Variants in SCN1A observed in about 807,000 individuals in gnomAD.
The protein encoded by SCN1A is sodium channel protein type 1 subunit alpha.
A neutral mutation model predicts 193.7 loss-of-function variants in SCN1A; 13 were observed. That is an observed-to-expected ratio of 0.07 (90% CI 0.04 to 0.11). The LOEUF is 0.11. SCN1A is among the 10% of genes least tolerant of loss of function. The pLI is 1.00. For synonymous variants in SCN1A, 781 were observed against 843.6 expected, an observed-to-expected ratio of 0.93 and a Z score of 1.29; for missense variants, 1,432 against 2,451.1, an observed-to-expected ratio of 0.58 and a Z score of 8.78.
chr2:166,025,344 G>A (rs2105716714), intron 19 of SCN1A, among the ~76,000 whole-genome samples: 1 of 152,280 alleles, frequency 6.6e-6, no homozygotes, highest in South Asian at 2.1e-4. Flanking sequence ...ACCACTCTCA[G>A]CAACTAGAGG....
intron 2 of SCN1A, among the ~76,000 whole-genome samples, chr2:166,124,455 G>C (rs951492309): frequency 3.3e-5 from 5 of 152,050 alleles, no homozygotes; most frequent in Non-Finnish European, 7.3e-5. Flanking sequence ...GCTGAGGCAG[G>C]AGAATCACTT....
In SCN1A at chr2:166,045,129, C is replaced by T. The variant is rs1553545537; in HGVS notation, c.1576G>A (p.Glu526Lys). 6.2e-7 allele frequency: 1 copy of T among 1,614,188 alleles called. No homozygotes were observed. Among genetic ancestry groups the T allele is most frequent in the Non-Finnish European group, 8.5e-7 (1 of 1,180,024 alleles). ...DEDEFQKSES[E>K]DSIRRKGFRF... ...AAACCTTTCCTCCTGATGCTGTCCT[C>T]AGATTCAGATTTTTGGAATTCATCC... The change falls in exon 13 of 29, where the codon GAG (glutamate) becomes AAG (lysine). Residue 526 changes from glutamate (E) to lysine (K), a missense_variant. Around this residue, in one of 18 missense-constraint regions of SCN1A, gnomAD observed 316 missense variants for 362.1 expected, o/e 0.87. Coordinates refer to ENST00000674923, the MANE Select transcript of SCN1A (RefSeq NM_001165963.4).
Position 166,048,870 on chromosome 2 carries a change from C to G in SCN1A, c.1028+16G>C. 1.3e-6 allele frequency: 2 copies of G among 1,544,388 alleles called. No individual in the cohort carries two copies. Among genetic ancestry groups the G allele is most frequent in the Non-Finnish European group, 1.8e-6 (2 of 1,117,322 alleles). ...ACATACAAATATACACAGATACACA[C>G]AAATTATTGACTTACCCTGCATCAG... On this transcript the variant is annotated intron_variant, in intron 10 of 28. Coordinates refer to ENST00000674923, the MANE Select transcript of SCN1A (RefSeq NM_001165963.4).
chr2:166,113,442 C>T (rs1446583645), intron 2 of SCN1A, among the ~76,000 whole-genome samples: 3 of 152,038 alleles, frequency 2.0e-5, no homozygotes, highest in Non-Finnish European at 1.5e-5. Flanking sequence ...AACTTCCTGA[C>T]TGTTTTACTC....
At chr2:166,070,350 G>A (rs1399715185) in intron 4 of SCN1A, among the ~76,000 whole-genome samples, 1 of 152,200 alleles carries the variant, frequency 6.6e-6, no homozygotes, top group Non-Finnish European at 1.5e-5. Context: ...AAAGCCATGA[G>A]TATACCTTAC....
intron 4 of SCN1A, chr2:166,071,619 A>G (rs919998839): frequency 5.3e-5 from 8 of 150,300 alleles, no homozygotes; most frequent in Admixed American, 4.0e-4. Context: ...GGCCGGGCGC[A>G]GTGGCTCACG....
At chr2:166,073,791 G>A (rs1684729127) in intron 3 of SCN1A, 121 bp from the exon 4 acceptor site, 1 of 789,190 alleles carries the variant, frequency 1.3e-6, no homozygotes, top group African/African-American at 1.7e-5. Context: ...AAATTGAAAG[G>A]TGATTTCTAA....
At position 166,034,894 on chromosome 2, in the gene SCN1A, C is replaced by T. The variant is rs559884119; in HGVS notation, c.3429+1154G>A. Reference sequence around the variant, plus strand: ...GACGCAGCAAGGAGGTGGCTGTCTGCAACCCAAGGAGTGAGCCCTCACTAG... The same window carrying T: ...GACGCAGCAAGGAGGTGGCTGTCTGTAACCCAAGGAGTGAGCCCTCACTAG... On this transcript the variant is annotated intron_variant, in intron 19 of 28. Transcript: ENST00000674923. Among the ~76,000 whole-genome samples the T allele has an allele frequency of 7.2e-5, 11 of 152,268 alleles. No individual in the cohort carries two copies. In the South Asian group the frequency reaches 2.3e-3, roughly 32 times the overall value.
intron 1 of SCN1A, among the ~76,000 whole-genome samples, chr2:166,134,639 C>T (rs1691785468): frequency 6.6e-6 from 1 of 152,086 alleles, no homozygotes; most frequent in Admixed American, 6.6e-5. Flanking sequence ...GAATGCAGGC[C>T]CAAAGACAGC....
chr2:166,066,762 A>G (rs1683886101), intron 4 of SCN1A, among the ~76,000 whole-genome samples: 1 of 152,198 alleles, frequency 6.6e-6, no homozygotes, highest in Non-Finnish European at 1.5e-5. Context: ...ATGCTAGATC[A>G]AGTATAAAAC....
intron 19 of SCN1A, among the ~76,000 whole-genome samples, chr2:166,018,106 AATATCATGCAATTGTT>A: frequency 6.6e-6 from 1 of 152,140 alleles, no homozygotes; most frequent in African/African-American, 2.4e-5. Context: ...GATTACTAGT[AATATCATGCAATTGTT>A]ATTGCATGAT....
At position 166,117,985 on chromosome 2, in the gene SCN1A, A is replaced by AT. The variant is rs529372405; in HGVS notation, c.-142+8938dup. 3.2e-3 allele frequency among the ~76,000 whole-genome samples: 484 copies of AT among 149,432 alleles called. 3 individuals are homozygous for AT. Among genetic ancestry groups the AT allele is most frequent in the African/African-American group, 0.011 (469 of 40,886 alleles). On this transcript the variant is annotated intron_variant, in intron 2 of 28. Coordinates refer to ENST00000674923, the MANE Select transcript of SCN1A (RefSeq NM_001165963.4). The stretch of plus-strand genomic sequence containing the variant: ...CTCAAAAAAAAAAATTTTTTTTTTG[A>AT]TTTTTTGGATTATATTCTATATGCA...
In SCN1A at chr2:166,046,802, C is replaced by G. The variant is rs794726807; in HGVS notation, c.1345G>C (p.Glu449Gln). 3 of 1,613,750 alleles carry G rather than the reference C, an allele frequency of 1.9e-6. No individual in the cohort carries two copies. In the East Asian group the frequency reaches 6.7e-5, roughly 36 times the overall value. ...QKEAEFQQMIEQLKKQQEAAQ... is the reference protein window; with the variant it reads ...QKEAEFQQMIQQLKKQQEAAQ... Reference sequence around the variant, plus strand: ...GCCTCCTGTTGCTTTTTAAGCTGTTCAATCATCTGCTGAAATTCGGCCTCT... The same window carrying G: ...GCCTCCTGTTGCTTTTTAAGCTGTTGAATCATCTGCTGAAATTCGGCCTCT... Residue 449 changes from glutamate to glutamine, a missense_variant, in exon 12 of 29, where the codon GAA becomes CAA. By Grantham distance (29) the Glu-to-Gln change is conservative (BLOSUM62 2). Coordinates refer to ENST00000674923, the MANE Select transcript of SCN1A (RefSeq NM_001165963.4).
intron 2 of SCN1A, among the ~76,000 whole-genome samples, chr2:166,082,972 A>C (rs1330083287): frequency 6.6e-6 from 1 of 152,092 alleles, no homozygotes. Flanking sequence ...CAATTTGTGA[A>C]GTGTTTCAGT....
At position 166,013,870 on chromosome 2, in the gene SCN1A, T is replaced by A. The variant is rs757649321; in HGVS notation, c.3579A>T (p.Gln1193His). ...EGCVQRFKCC[Q>H]INVEEGRGKQ... ...TTCCTCTGCCTTCTTCCACATTGAT[T>A]TGACAACACTTGAATCTTTGTACAC... The change falls in exon 21 of 29, where the codon CAA becomes CAT. Residue 1193 changes from glutamine (Q) to histidine (H), a missense_variant. Physicochemically the swap from Gln to His is conservative, Grantham distance 24. Transcript: ENST00000674923. The A allele has an allele frequency of 2.5e-6, 4 of 1,612,092 alleles. No individual in the cohort carries two copies. In the South Asian group the frequency reaches 4.4e-5, roughly 18 times the overall value.
At chr2:165,993,078 G>A (rs1248230046) in intron 28 of SCN1A, 2 of 151,612 alleles carry the variant, frequency 1.3e-5, no homozygotes, top group Non-Finnish European at 2.9e-5. Flanking sequence ...CTCTCCATTT[G>A]CTTTTTAGAT....
chr2:166,125,518 T>A (rs1156287307), intron 2 of SCN1A, among the ~76,000 whole-genome samples: 1 of 152,134 alleles, frequency 6.6e-6, no homozygotes, highest in Non-Finnish European at 1.5e-5. Context: ...AAGCCCCAGA[T>A]TTTCTCTTCT....
intron 4 of SCN1A, among the ~76,000 whole-genome samples, chr2:166,063,603 A>T (rs1017015489): frequency 8.5e-5 from 13 of 152,200 alleles, no homozygotes; most frequent in African/African-American, 2.4e-4. Flanking sequence ...TTAATAGAAT[A>T]TAGAAGAATT....
chr2:166,070,165 A>T (rs1037143422), intron 4 of SCN1A, among the ~76,000 whole-genome samples: 19 of 152,240 alleles, frequency 1.2e-4, no homozygotes, highest in Non-Finnish European at 2.2e-4. Context: ...CAGGCAACTT[A>T]TAAAAGTCTT....
Sources: gnomAD v4.1 joint callset for allele counts (sites outside exome capture counted in the v4.1 genomes callset) on GRCh38, gnomAD v4.1.1 for gene constraint, gnomAD v4.1.1 regional missense constraint, MANE v1.5 for transcripts, NCBI Gene and HGNC (gene_info 2026-07-23, HGNC 2026-07-21) for gene names.